Variants in FSHR observed in about 807,000 individuals in gnomAD.
FSHR encodes follicle stimulating hormone receptor, also known as follicle-stimulating hormone receptor.
FSHR carries 46 observed loss-of-function variants against 52.1 expected under a neutral mutation model. That is an observed-to-expected ratio of 0.88 (90% CI 0.70 to 1.13). The LOEUF (loss-of-function observed/expected upper bound fraction) is 1.13. Ranked by LOEUF, FSHR falls within the 50% of genes most tolerant of loss-of-function variation. FSHR has a pLI of 0.00. For synonymous variants in FSHR, 399 were observed against 309.6 expected, an observed-to-expected ratio of 1.29 and a Z score of -3.03; for missense variants, 964 against 834.6, an observed-to-expected ratio of 1.16 and a Z score of -1.91.
At chr2:49,118,280 C>T (rs1006701144) in intron 1 of FSHR, among the ~76,000 whole-genome samples, 3 of 152,102 alleles carry the variant, frequency 2.0e-5, no homozygotes, top group African/African-American at 4.8e-5. Flanking sequence ...GTTTCAGAGA[C>T]ACAGCCAAGG....
At chr2:49,048,302 G>A (rs1558410027) in intron 2 of FSHR, among the ~76,000 whole-genome samples, 4 of 151,502 alleles carry the variant, frequency 2.6e-5, no homozygotes, top group African/African-American at 9.7e-5. Flanking sequence ...TTTTCTTATA[G>A]AAAAAAAACC....
At chr2:49,106,727 G>A (rs962118535) in intron 1 of FSHR, among the ~76,000 whole-genome samples, 1 of 152,118 alleles carries the variant, frequency 6.6e-6, no homozygotes, top group Non-Finnish European at 1.5e-5. Context: ...TAAATTCAGT[G>A]TGGTTAAGTC....
chr2:48,974,868 T>C (rs1004554179), intron 8 of FSHR, among the ~76,000 whole-genome samples: 1 of 152,140 alleles, frequency 6.6e-6, no homozygotes, highest in Non-Finnish European at 1.5e-5. Context: ...CACACACTCA[T>C]ACACACACAG....
chr2:49,005,929 G>C (rs1667059757), intron 4 of FSHR, among the ~76,000 whole-genome samples: 2 of 152,272 alleles, frequency 1.3e-5, no homozygotes, highest in African/African-American at 4.8e-5. Flanking sequence ...CCCTTAATCT[G>C]AGTGGGTACC....
chr2:48,963,797 C>G lies in FSHR; in HGVS notation c.1024G>C (p.Val342Leu), dbSNP rs559544903. The change falls in exon 10 of 10, where the codon GTT becomes CTT. Residue 342 changes from valine to leucine, a missense_variant. Coordinates refer to ENST00000406846, the MANE Select transcript of FSHR (RefSeq NM_000145.4). ...EFDYDLCNEV[V>L]DVTCSPKPDA... is the part of the protein sequence containing the mutation. ...GGCTTAGGGGAGCAGGTCACGTCAA[C>G]CACTTCATTGCATAAGTCATAGTCA... 2 of 1,614,142 alleles carry G rather than the reference C, an allele frequency of 1.2e-6. No homozygotes were observed. The highest frequency in any genetic ancestry group is 2.2e-5 in the South Asian group (2 of 91,076).
intron 1 of FSHR, among the ~76,000 whole-genome samples, chr2:49,094,541 A>G (rs1352913837): frequency 6.6e-6 from 1 of 152,108 alleles, no homozygotes; most frequent in African/African-American, 2.4e-5. Flanking sequence ...TTTTACCTCT[A>G]TTTTTGAAGT....
At chr2:49,048,262 TAA>T (rs34014225) in intron 2 of FSHR, among the ~76,000 whole-genome samples, 1 of 150,394 alleles carries the variant, frequency 6.6e-6, no homozygotes, top group Non-Finnish European at 1.5e-5. Flanking sequence ...TTGAGGATGA[TAA>T]AAAAAAAGTA....
intron 8 of FSHR, among the ~76,000 whole-genome samples, chr2:48,974,795 A>T (rs1396641137): frequency 6.6e-6 from 1 of 152,164 alleles, no homozygotes; most frequent in African/African-American, 2.4e-5. Flanking sequence ...TCTTGTTCAG[A>T]TCTTGGCTAG....
intron 8 of FSHR, among the ~76,000 whole-genome samples, chr2:48,982,055 G>T (rs903024020): frequency 2.0e-5 from 3 of 152,108 alleles, no homozygotes; most frequent in East Asian, 1.9e-4. Flanking sequence ...CAGTCAGTAA[G>T]TGTAGTAGGT....
intron 2 of FSHR, among the ~76,000 whole-genome samples, chr2:49,028,689 G>A (rs1340384476): frequency 6.6e-6 from 1 of 152,160 alleles, no homozygotes; most frequent in Non-Finnish European, 1.5e-5. Context: ...AACAGAAGTG[G>A]TGTGTGCTAT....
At chr2:49,014,177 A>G (rs1274226440) in intron 4 of FSHR, among the ~76,000 whole-genome samples, 1 of 152,144 alleles carries the variant, frequency 6.6e-6, no homozygotes, top group Non-Finnish European at 1.5e-5. Context: ...ATGATATGCT[A>G]TTTTTCAGAG....
At chr2:49,051,242 G>A (rs1572681338) in intron 2 of FSHR, among the ~76,000 whole-genome samples, 1 of 151,918 alleles carries the variant, frequency 6.6e-6, no homozygotes, top group Non-Finnish European at 1.5e-5. Context: ...TTTCTCTTGG[G>A]TCAATATAAG....
chr2:49,019,590 T>C (rs12988126), intron 3 of FSHR, among the ~76,000 whole-genome samples: 52,880 of 152,140 alleles, frequency 0.35, 10,322 homozygotes, highest in Non-Finnish European at 0.45. Flanking sequence ...ACATTTATCT[T>C]CTTTATTCAT....
In FSHR at chr2:49,073,653, T is replaced by A. The variant is rs149639579; in HGVS notation, c.153-5363A>T. ...ATCTACAGATTCAATGCAATCCCTA[T>A]CAAAATGGCAATGACATTCTTTATA... On this transcript the variant is annotated intron_variant, in intron 1 of 9. Coordinates refer to ENST00000406846, the MANE Select transcript of FSHR (RefSeq NM_000145.4). Among the ~76,000 whole-genome samples the A allele has an allele frequency of 7.3e-3, 1,108 of 152,132 alleles. 8 individuals carry two copies. The highest frequency in any genetic ancestry group is 0.011 in the Non-Finnish European group (769 of 67,924).
intron 2 of FSHR, among the ~76,000 whole-genome samples, chr2:49,045,855 A>G (rs1668636125): frequency 6.6e-6 from 1 of 152,226 alleles, no homozygotes; most frequent in Non-Finnish European, 1.5e-5. Flanking sequence ...CATACTTGGC[A>G]GAAATTTAAG....
chr2:49,060,340 GA>G (rs956603197), intron 2 of FSHR, among the ~76,000 whole-genome samples: 6 of 148,588 alleles, frequency 4.0e-5, no homozygotes, highest in African/African-American at 9.9e-5. Context: ...TTAGCAAAAG[GA>G]AAAAAAAACA....
chr2:49,077,408 T>C (rs1026616018), intron 1 of FSHR, among the ~76,000 whole-genome samples: 1 of 152,178 alleles, frequency 6.6e-6, no homozygotes, highest in African/African-American at 2.4e-5. Flanking sequence ...CTGCACACAG[T>C]ATGGGGACCT....
intron 2 of FSHR, among the ~76,000 whole-genome samples, chr2:49,045,917 A>G (rs568908818): frequency 6.6e-6 from 1 of 152,346 alleles, no homozygotes; most frequent in Admixed American, 6.5e-5. Context: ...TACTGACATG[A>G]CTATAAGACT....
intron 4 of FSHR, chr2:49,015,012 G>T (rs953387941): frequency 4.9e-6 from 2 of 405,014 alleles, no homozygotes; most frequent in East Asian, 1.5e-4. Flanking sequence ...TGGGTAACAG[G>T]CACTAATAAT....
Sources: allele counts gnomAD v4.1 joint callset (sites outside exome capture counted in the v4.1 genomes callset), GRCh38; gene constraint gnomAD v4.1.1; transcripts MANE v1.5; gene names NCBI Gene and HGNC (gene_info 2026-07-23, HGNC 2026-07-21).